Variants in SYNE2 observed in about 807,000 individuals in gnomAD.
SYNE2 encodes the protein nesprin-2.
In SYNE2, 431 loss-of-function variants were observed where a neutral mutation model predicts 856.3. The observed-to-expected ratio is 0.50, with a 90% CI of 0.47 to 0.55. SYNE2 has a LOEUF of 0.55. SYNE2 is among the 20% of genes least tolerant of loss of function. The pLI, the probability that SYNE2 is intolerant of heterozygous loss-of-function variation, is 0.00. For synonymous variants in SYNE2, 2,923 were observed against 2,872.3 expected, an observed-to-expected ratio of 1.02 and a Z score of -0.56; for missense variants, 8,129 against 8,023.2, an observed-to-expected ratio of 1.01 and a Z score of -0.50.
chr14:63,959,066 ATCAGTCATTTCTCCAAGGAGCCCTGGC>A (rs2096275346), intron 8 of SYNE2, among the ~76,000 whole-genome samples: 1 of 151,942 alleles, frequency 6.6e-6, no homozygotes, highest in Non-Finnish European at 1.5e-5. Context: ...CAGTCTTAGG[ATCAGTCATTTCTCCAAGGAGCCCTGGC>A]TCTTTTTATT....
intron 96 of SYNE2, among the ~76,000 whole-genome samples, chr14:64,183,012 G>T (rs563393429): frequency 9.9e-6 from 1 of 101,310 alleles, no homozygotes; most frequent in African/African-American, 6.6e-5. Context: ...CTGGCCAGGC[G>T]GGGGCTGCCC....
intron 96 of SYNE2, among the ~76,000 whole-genome samples, chr14:64,184,042 T>A (rs952146467): frequency 3.9e-5 from 6 of 152,140 alleles, no homozygotes; most frequent in Non-Finnish European, 5.9e-5. Flanking sequence ...TTGACATTTT[T>A]ATACAAACTG....
At chr14:63,976,845 A>G in intron 12 of SYNE2, 118 bp downstream of exon 12, 1 of 1,156,324 alleles carries the variant, frequency 8.6e-7, no homozygotes, top group Admixed American at 2.0e-5. Context: ...AGGATGGTTT[A>G]GAATGATTCC....
chr14:63,836,956 T>C (rs1411533344), intron 1 of SYNE2, among the ~76,000 whole-genome samples: 2 of 152,222 alleles, frequency 1.3e-5, no homozygotes, highest in African/African-American at 4.8e-5. Context: ...TTAGATGATA[T>C]TCCATTGTAA....
intron 2 of SYNE2, among the ~76,000 whole-genome samples, chr14:63,919,977 T>TTTTTTTTTG (rs991527294): frequency 1.3e-5 from 2 of 150,732 alleles, no homozygotes; most frequent in African/African-American, 4.9e-5. Context: ...GGTAAGTTTT[T>TTTTTTTTTG]TTTTTTTTTT....
At chr14:63,798,221 GT>G (rs1341705836) in intron 1 of SYNE2, among the ~76,000 whole-genome samples, 1 of 151,808 alleles carries the variant, frequency 6.6e-6, no homozygotes, top group Non-Finnish European at 1.5e-5. Context: ...TTGGTTGTTT[GT>G]TTTTTCAACT....
In SYNE2 at chr14:63,979,841, C is replaced by T. The variant is rs752745309; in HGVS notation, c.1570-813C>T. 6.6e-5 allele frequency among the ~76,000 whole-genome samples: 10 copies of T among 152,140 alleles called. No homozygotes were observed. In the South Asian group the frequency reaches 1.9e-3, roughly 28 times the overall value. Reference sequence around the variant, plus strand: ...CTTGAACCCTGGGAGGTGGAGGTTGCAGTTAGCCAAGATTGTGGCACTGCA... The same window carrying T: ...CTTGAACCCTGGGAGGTGGAGGTTGTAGTTAGCCAAGATTGTGGCACTGCA... On this transcript the variant is annotated intron_variant, in intron 14 of 115. Coordinates refer to ENST00000555002, the MANE Select transcript of SYNE2 (RefSeq NM_182914.3).
intron 6 of SYNE2, among the ~76,000 whole-genome samples, chr14:63,949,343 A>G (rs184559115): frequency 6.6e-6 from 1 of 152,216 alleles, no homozygotes; most frequent in Admixed American, 6.5e-5. Flanking sequence ...TATTAATGCA[A>G]TTGTTTTTCA....
chr14:64,180,980 T>C (rs1471107346), intron 96 of SYNE2, among the ~76,000 whole-genome samples: 2 of 152,260 alleles, frequency 1.3e-5, no homozygotes, highest in Non-Finnish European at 2.9e-5. Flanking sequence ...TTAACCATCT[T>C]GTTAAACTCT....
At chr14:64,017,122 G>T (rs369799887) in intron 33 of SYNE2, among the ~76,000 whole-genome samples, 3 of 152,016 alleles carry the variant, frequency 2.0e-5, no homozygotes, top group African/African-American at 7.2e-5. Context: ...CTGAGGTCAG[G>T]GGTTTGAGAC....
At chr14:64,151,271 G>A (rs141591994) in intron 84 of SYNE2, among the ~76,000 whole-genome samples, 2 of 151,944 alleles carry the variant, frequency 1.3e-5, no homozygotes, top group Non-Finnish European at 2.9e-5. Flanking sequence ...GCAGTTTTGC[G>A]GGACTGGATT....
chr14:63,981,189 T>C lies in SYNE2; in HGVS notation c.1836+16T>C, dbSNP rs1380216060. On this transcript the variant is annotated intron_variant, in intron 16 of 115. Transcript: ENST00000555002. ...AATTAAAGAGGTATTTGCAGTCTAATAGCATCTGCTCAATTTTATTTTTTA... is the reference window on the plus strand; with the variant it reads ...AATTAAAGAGGTATTTGCAGTCTAACAGCATCTGCTCAATTTTATTTTTTA... 1.3e-6 allele frequency: 2 copies of C among 1,587,328 alleles called. No individual in the cohort carries two copies. Among genetic ancestry groups the C allele is most frequent in the African/African-American group, 1.3e-5 (1 of 74,410 alleles).
At chr14:63,855,139 T>C (rs186102499) in intron 1 of SYNE2, among the ~76,000 whole-genome samples, 1,761 of 152,300 alleles carry the variant, frequency 0.012, 19 homozygotes, top group Non-Finnish European at 0.02. Context: ...TTTTTACCTT[T>C]TTCATCTATA....
chr14:64,190,597 C>T, intron 99 of SYNE2: 1 of 702,110 alleles, frequency 1.4e-6, no homozygotes, highest in Non-Finnish European at 2.6e-6. Context: ...TTGCTCCTGC[C>T]TCAGTATGGC....
chr14:64,031,363 T>G lies in SYNE2; in HGVS notation c.7221+6T>G. ...AAGACTGGGAAATAAACAAGGTAAG[T>G]GCTTGTGATTGCACTTTCAAGACAG... On this transcript the variant is annotated splice_donor_region_variant and intron_variant, in intron 45 of 115. Transcript: ENST00000555002. 6.2e-7 allele frequency: 1 copy of G among 1,610,738 alleles called. No homozygotes were observed. Among genetic ancestry groups the G allele is most frequent in the Non-Finnish European group, 8.5e-7 (1 of 1,177,138 alleles).
rs1379184429 is a variant in SYNE2 at position 64,214,238 on chromosome 14, G to A, written c.19101G>A (p.Met6367Ile). 1 of 1,614,028 alleles carries A rather than the reference G, an allele frequency of 6.2e-7. No individual in the cohort carries two copies. The highest frequency in any genetic ancestry group is 1.3e-5 in the African/African-American group (1 of 74,916). Residue 6367 changes from methionine (M) to isoleucine (I), a missense_variant, in exon 106 of 116, where the codon ATG becomes ATA. Around this residue, in one of 3 missense-constraint regions of SYNE2, gnomAD observed 5,410 missense variants for 5,284.8 expected, o/e 1.02. Transcript: ENST00000555002. Reference protein sequence around the residue: ...EKEASENETDMEDPREIQTDS... With the variant: ...EKEASENETDIEDPREIQTDS... Reference sequence around the variant, plus strand: ...AGGCCTCTGAGAATGAAACAGACATGGAAGACCCCAGAGAAATCCAGACTG... The same window carrying A: ...AGGCCTCTGAGAATGAAACAGACATAGAAGACCCCAGAGAAATCCAGACTG...
At chr14:63,808,184 T>C (rs2139818028) in intron 1 of SYNE2, among the ~76,000 whole-genome samples, 1 of 151,744 alleles carries the variant, frequency 6.6e-6, no homozygotes, top group East Asian at 1.9e-4. Context: ...TGCCTTGGCC[T>C]CCTAAAGTGT....
intron 1 of SYNE2, among the ~76,000 whole-genome samples, chr14:63,805,148 A>G (rs1022911863): frequency 6.6e-6 from 1 of 152,148 alleles, no homozygotes; most frequent in African/African-American, 2.4e-5. Flanking sequence ...GATAGTTTGA[A>G]GTTGGATAGT....
At chr14:64,188,751 G>A (rs776932096) in intron 98 of SYNE2, 43 bp downstream of exon 98, 1 of 1,608,304 alleles carries the variant, frequency 6.2e-7, no homozygotes, top group Non-Finnish European at 8.5e-7. Flanking sequence ...GACTACCATG[G>A]AATTGTCGGC....
Sources: allele counts gnomAD v4.1 joint callset (sites outside exome capture counted in the v4.1 genomes callset), GRCh38; gene constraint gnomAD v4.1.1; regional missense constraint gnomAD v4.1.1; transcripts MANE v1.5; gene names NCBI Gene and HGNC (gene_info 2026-07-23, HGNC 2026-07-21).